Variants in HCFC1 observed in about 807,000 individuals in gnomAD.
HCFC1 encodes host cell factor C1, also known as host cell factor 1.
A neutral mutation model predicts 105.5 loss-of-function variants in HCFC1; 7 were observed. The observed-to-expected ratio is 0.07, with a 90% confidence interval of 0.04 to 0.12. HCFC1 has a LOEUF of 0.12. Among genes scored for constraint, HCFC1 ranks in the 10% least tolerant of loss-of-function variants. The pLI is 1.00. For synonymous variants in HCFC1, 918 were observed against 828.1 expected, an observed-to-expected ratio of 1.11 and a Z score of -1.86; for missense variants, 1,065 against 1,823.6, an observed-to-expected ratio of 0.58 and a Z score of 7.58.
intron 19 of HCFC1, 52 bp from the exon 20 acceptor site, chrX:153,952,210 G>A (rs782814130): frequency 1.1e-5 from 12 of 1,080,476 alleles, no homozygotes; most frequent in Middle Eastern, 3.7e-4. Flanking sequence ...GGCCAGAAGC[G>A]GGCAGCCCGG....
intron 1 of HCFC1, among the ~76,000 whole-genome samples, chrX:153,968,505 CTCG>C (rs1204459284): frequency 1.8e-5 from 2 of 112,283 alleles, no homozygotes; most frequent in South Asian, 3.6e-4. Context: ...CAGCTGCTCT[CTCG>C]TCTGAGGAAT....
At position 153,955,500 on chromosome X, in the gene HCFC1, T is replaced by C; in HGVS notation, c.2899A>G (p.Ser967Gly). The C allele has an allele frequency of 2.5e-6, 3 of 1,179,381 alleles. No individual in the cohort carries two copies. The highest frequency in any genetic ancestry group is 3.4e-6 in the Non-Finnish European group (3 of 877,480). ...PTQVTLITAP[S>G]GVEAQPVHDL... ...TGCACAGGCTGGGCCTCCACCCCAC[T>C]AGGTGCCGTGATCAGAGTTACCTGG... Residue 967 changes from serine to glycine, a missense_variant, in exon 17 of 26, where the codon AGT (serine) becomes GGT (glycine). Physicochemically the swap from Ser to Gly is moderately conservative, Grantham distance 56. Around this residue, in one of 17 missense-constraint regions of HCFC1, gnomAD observed 546 missense variants for 599.9 expected, o/e 0.91. Coordinates refer to ENST00000310441, the MANE Select transcript of HCFC1 (RefSeq NM_005334.3).
At chrX:153,962,082 C>T in intron 5 of HCFC1, 140 bp downstream of exon 5, 1 of 476,026 alleles carries the variant, frequency 2.1e-6, no homozygotes, top group Non-Finnish European at 3.7e-6. Flanking sequence ...AATGGAAAAA[C>T]AGGGCTGCCA....
chrX:153,970,621 C>T, intron 1 of HCFC1, 27 bp downstream of exon 1: 1 of 1,145,492 alleles, frequency 8.7e-7, no homozygotes, highest in Non-Finnish European at 1.2e-6. Flanking sequence ...GGGAAAGAGC[C>T]GAAGACCCAG....
intron 20 of HCFC1, 64 bp downstream of exon 20, chrX:153,951,777 G>A (rs1381239243): frequency 1.5e-5 from 17 of 1,169,648 alleles, no homozygotes; most frequent in African/African-American, 7.0e-5. Flanking sequence ...CGAGCCTCCC[G>A]TCCTGCCCTC....
intron 8 of HCFC1, 132 bp from the exon 9 acceptor site, chrX:153,959,623 T>C: frequency 4.2e-6 from 4 of 958,565 alleles, no homozygotes; most frequent in Non-Finnish European, 5.7e-6. Flanking sequence ...GCCCTGAGAG[T>C]GACCATTTCC....
intron 6 of HCFC1, 91 bp from the exon 7 acceptor site, chrX:153,960,505 G>A: frequency 1.7e-6 from 1 of 594,012 alleles, no homozygotes; most frequent in Non-Finnish European, 2.5e-6. Context: ...GTCAAGGATG[G>A]GAATTAAAAT....
At chrX:153,960,579 C>A (rs1337600132) in intron 6 of HCFC1, among the ~76,000 whole-genome samples, 165 bp from the exon 7 acceptor site, 7 of 111,958 alleles carry the variant, frequency 6.3e-5, no homozygotes, top group Admixed American at 5.7e-4. Context: ...TGGCAAAAAG[C>A]AACACAAAAA....
At position 153,948,243 on chromosome X, in the gene HCFC1, C is replaced by T. The variant is rs2065274152; in HGVS notation, c.*1104G>A. 1 of 112,180 alleles carries T rather than the reference C, an allele frequency of 8.9e-6. No individual in the cohort carries two copies. The highest frequency in any genetic ancestry group is 3.2e-5 in the African/African-American group (1 of 30,884). 9.2% of individuals were successfully genotyped at this position (112,180 alleles called of 1,213,427 possible). A position where few individuals can be genotyped will look rare whatever the true frequency, so the allele number is the denominator to read the frequency against. ...GGAGGCCCCAGCCCTCCCTCAAGCT[C>T]CCCTAGGCTCGACCCTATAGATGCG... is the stretch of plus-strand genomic sequence containing the variant. On this transcript the variant is annotated 3_prime_UTR_variant, in exon 26 of 26. Coordinates refer to ENST00000310441, the MANE Select transcript of HCFC1 (RefSeq NM_005334.3).
chrX:153,955,518 T>C lies in HCFC1; in HGVS notation c.2881A>G (p.Thr961Ala). Residue 961 changes from threonine to alanine, a missense_variant, in exon 17 of 26, where the codon ACT becomes GCT. Physicochemically the swap from Thr to Ala is moderately conservative, Grantham distance 58. Around this residue, in one of 17 missense-constraint regions of HCFC1, gnomAD observed 137 missense variants for 378.2 expected, o/e 0.36. Coordinates refer to ENST00000310441, the MANE Select transcript of HCFC1 (RefSeq NM_005334.3). ...ACCCCACTAGGTGCCGTGATCAGAG[T>C]TACCTGGGTGGGCTGGGACACGGGC... ...MQPVSQPTQV[T>A]LITAPSGVEA... is the part of the protein sequence containing the mutation. 2.6e-6 allele frequency: 3 copies of C among 1,172,899 alleles called. No homozygotes were observed. Among genetic ancestry groups the C allele is most frequent in the Non-Finnish European group, 3.4e-6 (3 of 875,375 alleles).
In HCFC1 at chrX:153,964,558, A is replaced by G. The variant is rs1434825657; in HGVS notation, c.342+20T>C. ...CACATGGGGCCAAGGAGGCAGAGTG[A>G]GAACCTGGGGCTGCTTTACCTGGAG... On this transcript the variant is annotated intron_variant, in intron 2 of 25. Coordinates refer to ENST00000310441, the MANE Select transcript of HCFC1 (RefSeq NM_005334.3). The G allele has an allele frequency of 1.7e-6, 2 of 1,181,235 alleles. No homozygotes were observed. The highest frequency in any genetic ancestry group is 2.3e-6 in the Non-Finnish European group (2 of 878,652).
chrX:153,951,544 GC>G, intron 21 of HCFC1, 44 bp downstream of exon 21: 3 of 1,205,831 alleles, frequency 2.5e-6, no homozygotes, highest in Admixed American at 2.2e-5. Flanking sequence ...AGGCAGTGCT[GC>G]CCCCCAGGCC....
chrX:153,966,626 C>T (rs2065476400), intron 1 of HCFC1, among the ~76,000 whole-genome samples: 2 of 112,529 alleles, frequency 1.8e-5, no homozygotes, highest in Admixed American at 9.3e-5. Context: ...AGACCTAAGG[C>T]TGCCTGGGCC....
chrX:153,967,106 T>A (rs1569547004), intron 1 of HCFC1, among the ~76,000 whole-genome samples: 1 of 111,927 alleles, frequency 8.9e-6, no homozygotes, highest in Non-Finnish European at 1.9e-5. Context: ...CGGCTCCTCA[T>A]CTCACCCACG....
rs1019568897 is a variant in HCFC1, at chrX:153,956,044, C to G, written c.2856+147G>C. 10 of 517,333 alleles carry G rather than the reference C, an allele frequency of 1.9e-5. No homozygotes were observed. In the South Asian group the frequency reaches 2.7e-4, roughly 14 times the overall value. The allele number at this position is 517,333 out of a possible 1,213,427, so 42.6% of individuals were successfully genotyped here. On this transcript the variant is annotated intron_variant, in intron 16 of 25. Coordinates refer to ENST00000310441, the MANE Select transcript of HCFC1 (RefSeq NM_005334.3). Reference sequence around the variant, plus strand: ...GGACCATGTGACACCAGGGAAAATGCCCCAGGTGAGGAAAGGCCTGCCATG... The same window carrying G: ...GGACCATGTGACACCAGGGAAAATGGCCCAGGTGAGGAAAGGCCTGCCATG...
In HCFC1 at chrX:153,960,153, G is replaced by A; in HGVS notation, c.1093C>T (p.Pro365Ser). Residue 365 changes from proline (P) to serine (S), a missense_variant, in exon 8 of 26, where the codon CCA (proline) becomes TCA (serine). By Grantham distance (74) the Pro-to-Ser change is moderately conservative. Coordinates refer to ENST00000310441, the MANE Select transcript of HCFC1 (RefSeq NM_005334.3). ...DLWYLETEKP[P>S]PPARVQLVRA... ...ACCAGTTGTACTCGGGCTGGGGGTGGTGGCTTTTCTGTGGGAGAACGCAGT... is the reference window on the plus strand; with the variant it reads ...ACCAGTTGTACTCGGGCTGGGGGTGATGGCTTTTCTGTGGGAGAACGCAGT... 8.3e-7 allele frequency: 1 copy of A among 1,208,216 alleles called. No individual in the cohort carries two copies. Among genetic ancestry groups the A allele is most frequent in the African/African-American group, 1.7e-5 (1 of 57,841 alleles).
Position 153,948,222 on chromosome X carries a change from G to T in HCFC1, c.*1125C>A, listed in dbSNP as rs2065273927. 1.8e-5 allele frequency: 2 copies of T among 112,223 alleles called. No homozygotes were observed. Among genetic ancestry groups the T allele is most frequent in the Admixed American group, 1.9e-4 (2 of 10,614 alleles). 9.2% of individuals were successfully genotyped at this position (112,223 alleles called of 1,213,427 possible). A position where few individuals can be genotyped will look rare whatever the true frequency, so the allele number is the denominator to read the frequency against. ...AGAGCTGGAAATCCAGGACAAGGAG[G>T]CCCCAGCCCTCCCTCAAGCTCCCCT... On this transcript the variant is annotated 3_prime_UTR_variant, in exon 26 of 26. Transcript: ENST00000310441.
rs2065277091 is a variant in HCFC1, at chrX:153,948,503, AAAC to A, written c.*841_*843del. On this transcript the variant is annotated 3_prime_UTR_variant, in exon 26 of 26. Coordinates refer to ENST00000310441, the MANE Select transcript of HCFC1 (RefSeq NM_005334.3). ...AAAGTAAAAAAACAAAAACAAAACA[AAAC>A]AAAACAAAAAAAAGAGAAAAGAAAA... 1 of 112,820 alleles carries A rather than the reference AAAC, an allele frequency of 8.9e-6. No individual in the cohort carries two copies. Among genetic ancestry groups the A allele is most frequent in the South Asian group, 3.5e-4 (1 of 2,819 alleles). The allele number at this position is 112,820 out of a possible 1,213,427, so 9.3% of individuals were successfully genotyped here.
intron 4 of HCFC1, 97 bp from the exon 5 acceptor site, chrX:153,962,403 G>A: frequency 1.7e-6 from 1 of 594,477 alleles, no homozygotes; most frequent in Admixed American, 2.9e-5. Flanking sequence ...ATCTGTCTCA[G>A]TGAGAGAATT....
Sources: allele counts gnomAD v4.1 joint callset (sites outside exome capture counted in the v4.1 genomes callset), GRCh38; gene constraint gnomAD v4.1.1; regional missense constraint gnomAD v4.1.1; transcripts MANE v1.5; gene names NCBI Gene and HGNC (gene_info 2026-07-23, HGNC 2026-07-21).